The following RIPOR3 variants were observed in gnomAD, a reference collection of about 807,000 sequenced individuals.
RIPOR3 encodes family with sequence similarity 65 member C.
RIPOR3 carries 95 observed loss-of-function variants against 114.3 expected under a neutral mutation model. That is an observed-to-expected ratio of 0.83 (90% CI 0.70 to 0.99). The LOEUF (loss-of-function observed/expected upper bound fraction) is 0.99. Ranked by LOEUF, RIPOR3 falls within the 50% of genes least tolerant of loss-of-function variation. RIPOR3 has a pLI of 0.00. For missense variants in RIPOR3, 1,252 were observed against 1,266.9 expected, an observed-to-expected ratio of 0.99 and a Z score of 0.18; for synonymous variants, 575 against 543.8, an observed-to-expected ratio of 1.06 and a Z score of -0.80.
At chr20:50,618,895 C>T (rs1048193263) in intron 3 of RIPOR3, among the ~76,000 whole-genome samples, 1 of 151,792 alleles carries the variant, frequency 6.6e-6, no homozygotes, top group Non-Finnish European at 1.5e-5. Flanking sequence ...GCCAACATGG[C>T]GAAACCCAGT....
chr20:50,601,297 G>A (rs2083484488), intron 13 of RIPOR3, among the ~76,000 whole-genome samples: 1 of 152,154 alleles, frequency 6.6e-6, no homozygotes, highest in African/African-American at 2.4e-5. Flanking sequence ...AGCCAGGCGT[G>A]GTGGTGTGCA....
In RIPOR3 at chr20:50,691,272, T is replaced by C. The variant is rs1439559339; in HGVS notation, c.-144A>G. ...AGGGCTCTGCAAATTCCATCCACAC[T>C]GGCCACCAGCCGCTGGTCCCGCTCT... On this transcript the variant is annotated 5_prime_UTR_variant, in exon 1 of 22. Coordinates refer to ENST00000327979, the MANE Select transcript of RIPOR3 (RefSeq NM_001290268.2). 6 of 1,054,988 alleles carry C rather than the reference T, an allele frequency of 5.7e-6. No homozygotes were observed. The Admixed American group carries it at 1.5e-4, about 26-fold the overall frequency. The allele number at this position is 1,054,988 out of a possible 1,614,324, so 65.4% of individuals were successfully genotyped here.
chr20:50,651,636 C>T (rs531787035), intron 1 of RIPOR3, among the ~76,000 whole-genome samples: 7 of 152,278 alleles, frequency 4.6e-5, no homozygotes, highest in African/African-American at 1.7e-4. Flanking sequence ...GTCCACACTC[C>T]CTTCCTCACC....
chr20:50,622,776 A>G (rs1330816015), intron 2 of RIPOR3, among the ~76,000 whole-genome samples: 3 of 152,186 alleles, frequency 2.0e-5, no homozygotes, highest in African/African-American at 7.2e-5. Context: ...TCACCTCTAC[A>G]TTAACAACAC....
Position 50,602,707 on chromosome 20 carries a change from A to C in RIPOR3, c.1087-63T>G. ...CCAGGGACCACAGCAAGTCCCCCAG[A>C]GGGGCTTCCCCTGACAGACACCCGC... On this transcript the variant is annotated intron_variant, in intron 12 of 21. Coordinates refer to ENST00000327979, the MANE Select transcript of RIPOR3 (RefSeq NM_001290268.2). This position sits in a 1 kb window ranked among gnomAD's most constrained non-coding sequence, Gnocchi z 4.3. 2 of 1,298,482 alleles carry C rather than the reference A, an allele frequency of 1.5e-6. No individual in the cohort carries two copies. The highest frequency in any genetic ancestry group is 2.0e-6 in the Non-Finnish European group (2 of 990,332). The allele number at this position is 1,298,482 out of a possible 1,614,324, so 80.4% of individuals were successfully genotyped here.
At chr20:50,616,204 G>T in intron 3 of RIPOR3, 124 bp from the exon 4 acceptor site, 1 of 915,900 alleles carries the variant, frequency 1.1e-6, no homozygotes, top group Non-Finnish European at 1.7e-6. Flanking sequence ...TCAGAGGCAG[G>T]TAGGAAGCCA....
At chr20:50,675,706 C>T (rs1238650712) in intron 1 of RIPOR3, among the ~76,000 whole-genome samples, 1 of 152,214 alleles carries the variant, frequency 6.6e-6, no homozygotes, top group Non-Finnish European at 1.5e-5. Flanking sequence ...ATGCCAACGC[C>T]CATGCTGTTG....
intron 1 of RIPOR3, among the ~76,000 whole-genome samples, chr20:50,689,693 G>A (rs2087143649): frequency 6.6e-6 from 1 of 152,130 alleles, no homozygotes; most frequent in Non-Finnish European, 1.5e-5. Flanking sequence ...GGTGGAACTG[G>A]GTAGGGTGAC....
intron 1 of RIPOR3, among the ~76,000 whole-genome samples, chr20:50,685,460 G>A (rs185782037): frequency 2.0e-4 from 30 of 149,466 alleles, no homozygotes; most frequent in African/African-American, 6.2e-4. Flanking sequence ...CGTGATCCAC[G>A]TGCCTCGGCC....
chr20:50,652,123 A>T (rs2085632393), intron 1 of RIPOR3, among the ~76,000 whole-genome samples: 1 of 152,178 alleles, frequency 6.6e-6, no homozygotes, highest in Non-Finnish European at 1.5e-5. Context: ...CTCTTGATCT[A>T]CATGAAGCCT....
Position 50,602,406 on chromosome 20 carries a change from A to G in RIPOR3, c.1325T>C (p.Ile442Thr), listed in dbSNP as rs747319130. ...GGGGTCCTCCCGAGCCTCCTCTTCAATGGAGGCGTGGGGACCGAAGGTCAA... is the reference window on the plus strand; with the variant it reads ...GGGGTCCTCCCGAGCCTCCTCTTCAGTGGAGGCGTGGGGACCGAAGGTCAA... ...LPLTFGPHAS[I>T]EEEAREDPLP... Residue 442 changes from isoleucine (I) to threonine (T), a missense_variant, in exon 13 of 22, where the codon ATT becomes ACT. Ile to Thr is a moderately conservative substitution (Grantham distance 89). Transcript: ENST00000327979. The surrounding 1 kb of genome is among the most constrained non-coding windows in gnomAD (Gnocchi z 4.3). The G allele has an allele frequency of 6.5e-5, 105 of 1,609,234 alleles. No individual in the cohort carries two copies. The highest frequency in any genetic ancestry group is 1.7e-4 in the Middle Eastern group (1 of 6,058).
Position 50,673,041 on chromosome 20 carries a change from C to T in RIPOR3, c.3+18085G>A, listed in dbSNP as rs550179833. ...GCATTGAATGTGCTGAGAGCTGGACCGGTGGATGTCCCCACTGCCCTGAGG... is the reference window on the plus strand; with the variant it reads ...GCATTGAATGTGCTGAGAGCTGGACTGGTGGATGTCCCCACTGCCCTGAGG... On this transcript the variant is annotated intron_variant, in intron 1 of 21. Transcript: ENST00000327979. Among the ~76,000 whole-genome samples, 119 of 152,320 alleles carry T rather than the reference C, an allele frequency of 7.8e-4. 2 individuals are homozygous for T. The South Asian group carries it at 0.023, about 30-fold the overall frequency.
In RIPOR3 at chr20:50,587,113, C is replaced by G; in HGVS notation, c.*119G>C. On this transcript the variant is annotated 3_prime_UTR_variant, in exon 22 of 22. Transcript: ENST00000327979. ...AATGGCCGGAGTCTCAGGTAGAGCTCTGGGCAGCTCACACTCCTGGAGGAG... is the reference window on the plus strand; with the variant it reads ...AATGGCCGGAGTCTCAGGTAGAGCTGTGGGCAGCTCACACTCCTGGAGGAG... The G allele has an allele frequency of 1.3e-6, 1 of 760,110 alleles. No individual in the cohort carries two copies. The allele number at this position is 760,110 out of a possible 1,614,324, so 47.1% of individuals were successfully genotyped here. A position where few individuals can be genotyped will look rare whatever the true frequency, so the allele number is the denominator to read the frequency against.
In RIPOR3 at chr20:50,604,869, T is replaced by C. The variant is rs12625053; in HGVS notation, c.957-95A>G. The C allele has an allele frequency of 8.5e-4, 1,240 of 1,464,094 alleles. 12 individuals are homozygous for C. The East Asian group carries it at 0.025, about 30-fold the overall frequency. 90.7% of individuals were successfully genotyped at this position (1,464,094 alleles called of 1,614,324 possible). On this transcript the variant is annotated intron_variant, in intron 11 of 21. Coordinates refer to ENST00000327979, the MANE Select transcript of RIPOR3 (RefSeq NM_001290268.2). ...AGGGCTCTTAGGTTATGCAGGTAGA[T>C]GGTCTTCATCTTACAATACAATAGC... is the stretch of plus-strand genomic sequence containing the variant.
Position 50,608,683 on chromosome 20 carries a change from T to C in RIPOR3, c.740A>G (p.Asp247Gly). Reference sequence around the variant, plus strand: ...CTCTTCGTCCCAGGTCTGGCTGTCATCTGACTCGATCCGACCCTTGAGCTT... The same window carrying C: ...CTCTTCGTCCCAGGTCTGGCTGTCACCTGACTCGATCCGACCCTTGAGCTT... ...RWKLKGRIES[D>G]DSQTWDEEEK... Residue 247 changes from aspartate (D) to glycine (G), a missense_variant, in exon 10 of 22, where the codon GAT (aspartate) becomes GGT (glycine). Physicochemically the swap from Asp to Gly is moderately conservative, Grantham distance 94. Coordinates refer to ENST00000327979, the MANE Select transcript of RIPOR3 (RefSeq NM_001290268.2). 6.2e-7 allele frequency: 1 copy of C among 1,614,014 alleles called. No homozygotes were observed. Among genetic ancestry groups the C allele is most frequent in the Non-Finnish European group, 8.5e-7 (1 of 1,179,908 alleles).
chr20:50,598,415 C>G (rs1049403191), intron 13 of RIPOR3, among the ~76,000 whole-genome samples: 1 of 151,948 alleles, frequency 6.6e-6, no homozygotes, highest in African/African-American at 2.4e-5. Context: ...CCCAGCACAC[C>G]CCACCCAGGC....
intron 13 of RIPOR3, among the ~76,000 whole-genome samples, chr20:50,601,184 G>A (rs1016424822): frequency 9.2e-5 from 14 of 151,800 alleles, no homozygotes; most frequent in African/African-American, 2.4e-4. Context: ...CTGTAATCCC[G>A]GCACTTTGGG....
chr20:50,644,261 T>G (rs4809801), intron 1 of RIPOR3, among the ~76,000 whole-genome samples: 1 of 151,910 alleles, frequency 6.6e-6, no homozygotes, highest in East Asian at 1.9e-4. Context: ...CATAAGCCAC[T>G]GCACCTGACC....
chr20:50,650,247 C>T (rs1463398659), intron 1 of RIPOR3, among the ~76,000 whole-genome samples: 1 of 152,140 alleles, frequency 6.6e-6, no homozygotes, highest in African/African-American at 2.4e-5. Flanking sequence ...CCCTCGAGAT[C>T]TATTCACCTC....
Sources: gnomAD v4.1 joint callset for allele counts (sites outside exome capture counted in the v4.1 genomes callset) on GRCh38, gnomAD v4.1.1 for gene constraint, Gnocchi (gnomAD v3.1) non-coding constraint, MANE v1.5 for transcripts, NCBI Gene and HGNC (gene_info 2026-07-23, HGNC 2026-07-21) for gene names.